The following ATP9B variants were observed in gnomAD, a reference collection of about 807,000 sequenced individuals.
ATP9B encodes probable phospholipid-transporting ATPase IIB.
In ATP9B, 110 loss-of-function variants were observed where a neutral mutation model predicts 146.1. The observed-to-expected ratio is 0.75, with a 90% CI of 0.65 to 0.88. The LOEUF is 0.88. Among genes scored for constraint, ATP9B ranks in the 40% least tolerant of loss-of-function variants. The pLI, the probability that ATP9B is intolerant of heterozygous loss-of-function variation, is 0.00. For missense variants in ATP9B, 1,499 were observed against 1,496.4 expected, an observed-to-expected ratio of 1.00 and a Z score of -0.03; for synonymous variants, 604 against 569.7, an observed-to-expected ratio of 1.06 and a Z score of -0.86.
intron 1 of ATP9B, among the ~76,000 whole-genome samples, chr18:79,094,194 A>C (rs1416391129): frequency 2.0e-5 from 3 of 152,082 alleles, no homozygotes; most frequent in African/African-American, 7.2e-5. Context: ...GTTGTGTAGG[A>C]CCTGAGTAAT....
chr18:79,345,170 G>A lies in ATP9B; in HGVS notation c.2473-258G>A, dbSNP rs577299738. Among the ~76,000 whole-genome samples, 42 of 152,310 alleles carry A rather than the reference G, an allele frequency of 2.8e-4. No individual in the cohort carries two copies. The Middle Eastern group carries it at 0.01, about 37-fold the overall frequency. ...GTCATGTCGTAGCTCAAATCATGGA[G>A]GATTCTCTCTGGTACTTCAAGTGGA... is the stretch of plus-strand genomic sequence containing the variant. On this transcript the variant is annotated intron_variant, in intron 21 of 29. Coordinates refer to ENST00000426216, the MANE Select transcript of ATP9B (RefSeq NM_198531.5).
intron 15 of ATP9B, among the ~76,000 whole-genome samples, chr18:79,313,803 G>A (rs569437864): frequency 1.3e-5 from 2 of 152,118 alleles, no homozygotes; most frequent in South Asian, 4.2e-4. Context: ...TTGGGAAATT[G>A]GACAATGATA....
intron 14 of ATP9B, among the ~76,000 whole-genome samples, chr18:79,305,933 T>C (rs539295532): frequency 3.3e-5 from 5 of 152,362 alleles, no homozygotes; most frequent in African/African-American, 1.2e-4. Flanking sequence ...GAGGGCATAA[T>C]CTTTCATGGA....
chr18:79,103,563 A>C (rs548866657), intron 2 of ATP9B, among the ~76,000 whole-genome samples: 2 of 152,286 alleles, frequency 1.3e-5, no homozygotes, highest in East Asian at 3.9e-4. Flanking sequence ...GAGGAAAACT[A>C]GGGGAGGAAG....
chr18:79,152,572 T>C (rs1324759226), intron 6 of ATP9B, among the ~76,000 whole-genome samples: 1 of 152,216 alleles, frequency 6.6e-6, no homozygotes, highest in Non-Finnish European at 1.5e-5. Flanking sequence ...TAAGCATCCT[T>C]ACCTCTCAAA....
chr18:79,096,727 T>A (rs2146769266), intron 2 of ATP9B, 78 bp downstream of exon 2: 2 of 1,100,506 alleles, frequency 1.8e-6, no homozygotes, highest in Non-Finnish European at 2.5e-6. Flanking sequence ...ACTTATTAGC[T>A]ATATTAATAT....
At position 79,239,510 on chromosome 18, in the gene ATP9B, C is replaced by G. The variant is rs1221964805; in HGVS notation, c.1108-13871C>G. Among the ~76,000 whole-genome samples, 1 of 152,142 alleles carries G rather than the reference C, an allele frequency of 6.6e-6. No individual in the cohort carries two copies. On this transcript the variant is annotated intron_variant, in intron 11 of 29. Coordinates refer to ENST00000426216, the MANE Select transcript of ATP9B (RefSeq NM_198531.5). This position sits in a 1 kb window ranked among gnomAD's most constrained non-coding sequence, Gnocchi z 5.1. ...GGACAGGGACGTAGGACGATGGTGTCACGGCACTTAAAATTGTCTTCAGAG... is the reference window on the plus strand; with the variant it reads ...GGACAGGGACGTAGGACGATGGTGTGACGGCACTTAAAATTGTCTTCAGAG...
chr18:79,221,928 TAAAA>T (rs11308061), intron 11 of ATP9B, among the ~76,000 whole-genome samples: 1 of 131,544 alleles, frequency 7.6e-6, no homozygotes, highest in Admixed American at 7.9e-5. Flanking sequence ...TTAGCTGCTT[TAAAA>T]AAAAAAAAAG....
chr18:79,217,963 A>G (rs2095643332), intron 11 of ATP9B, among the ~76,000 whole-genome samples: 1 of 152,242 alleles, frequency 6.6e-6, no homozygotes, highest in South Asian at 2.1e-4. Context: ...ATATTGGGAC[A>G]TTGATACATT....
At chr18:79,095,195 C>T (rs1040206074) in intron 1 of ATP9B, among the ~76,000 whole-genome samples, 3 of 152,174 alleles carry the variant, frequency 2.0e-5, no homozygotes, top group Non-Finnish European at 2.9e-5. Flanking sequence ...TCCTTCCCCT[C>T]ACCAACAAGC....
chr18:79,308,092 TC>T (rs1279592623), intron 15 of ATP9B, among the ~76,000 whole-genome samples: 1 of 151,582 alleles, frequency 6.6e-6, no homozygotes, highest in African/African-American at 2.4e-5. Flanking sequence ...AGCGCCATCA[TC>T]CCCCTCCATA....
chr18:79,338,603 A>T (rs1166936416), intron 19 of ATP9B, among the ~76,000 whole-genome samples: 1 of 152,188 alleles, frequency 6.6e-6, no homozygotes, highest in South Asian at 2.1e-4. Flanking sequence ...GGCTTCCCCC[A>T]GATGCTGTGT....
intron 15 of ATP9B, among the ~76,000 whole-genome samples, chr18:79,313,501 A>G (rs571275833): frequency 2.0e-5 from 3 of 152,366 alleles, no homozygotes; most frequent in East Asian, 1.9e-4. Flanking sequence ...TTTTCCTGCC[A>G]TAAATATGAG....
intron 11 of ATP9B, among the ~76,000 whole-genome samples, chr18:79,250,206 C>A (rs1403939757): frequency 1.3e-5 from 2 of 152,144 alleles, no homozygotes; most frequent in Non-Finnish European, 2.9e-5. Context: ...ACTTTGTATT[C>A]ATTTCTGAAT....
chr18:79,124,044 C>T (rs2094237496), intron 4 of ATP9B, among the ~76,000 whole-genome samples: 1 of 152,162 alleles, frequency 6.6e-6, no homozygotes, highest in Non-Finnish European at 1.5e-5. Flanking sequence ...CATTGGAACC[C>T]TCATTAGTTG....
chr18:79,212,321 C>T (rs1007671430), intron 10 of ATP9B, among the ~76,000 whole-genome samples: 6 of 152,150 alleles, frequency 3.9e-5, no homozygotes, highest in Non-Finnish European at 8.8e-5. Flanking sequence ...AAATATTGTA[C>T]CAGGACCTCT....
intron 15 of ATP9B, among the ~76,000 whole-genome samples, chr18:79,312,241 T>C (rs1277097598): frequency 6.6e-6 from 1 of 152,202 alleles, no homozygotes; most frequent in Non-Finnish European, 1.5e-5. Flanking sequence ...GTGGATTGGG[T>C]GGTGCCTTCT....
chr18:79,355,761 G>T (rs577421181), intron 25 of ATP9B, among the ~76,000 whole-genome samples: 1 of 152,206 alleles, frequency 6.6e-6, no homozygotes, highest in African/African-American at 2.4e-5. Context: ...AGACATAAAT[G>T]TATAGATTCA....
intron 2 of ATP9B, among the ~76,000 whole-genome samples, chr18:79,101,434 G>C (rs996708217): frequency 6.6e-6 from 1 of 152,160 alleles, no homozygotes; most frequent in Non-Finnish European, 1.5e-5. Flanking sequence ...CCAAGCTGTT[G>C]TGTAGGTTGT....
Sources: gnomAD v4.1 joint callset for allele counts (sites outside exome capture counted in the v4.1 genomes callset) on GRCh38, gnomAD v4.1.1 for gene constraint, Gnocchi (gnomAD v3.1) non-coding constraint, MANE v1.5 for transcripts, NCBI Gene and HGNC (gene_info 2026-07-23, HGNC 2026-07-21) for gene names.